WARS2: variants seen among roughly 807,000 people sequenced by gnomAD.
WARS2 encodes the protein tryptophan--tRNA ligase, mitochondrial.
A neutral mutation model predicts 36.5 loss-of-function variants in WARS2; 28 were observed. The observed-to-expected ratio is 0.77, with a 90% CI of 0.57 to 1.05. WARS2 has a LOEUF of 1.05. Among genes scored for constraint, WARS2 ranks in the 50% least tolerant of loss-of-function variants. The pLI is 0.00. For missense variants in WARS2, 435 were observed against 456.8 expected (o/e 0.95, Z 0.44); for synonymous variants, 174 against 178.4 (o/e 0.98, Z 0.20).
At chr1:119,072,402 G>C (rs1651395173) in intron 2 of WARS2, among the ~76,000 whole-genome samples, 1 of 152,034 alleles carries the variant, frequency 6.6e-6, no homozygotes, top group Non-Finnish European at 1.5e-5. Flanking sequence ...AGTGTAAAGA[G>C]AAAGCAACTA....
intron 1 of WARS2, among the ~76,000 whole-genome samples, chr1:119,121,524 C>A (rs1208078137): frequency 6.6e-6 from 1 of 151,858 alleles, no homozygotes; most frequent in African/African-American, 2.4e-5. Flanking sequence ...ACACTCTTCA[C>A]AGAACTAGAA....
At chr1:119,111,829 A>C (rs1654657396) in intron 1 of WARS2, among the ~76,000 whole-genome samples, 1 of 152,136 alleles carries the variant, frequency 6.6e-6, no homozygotes, top group South Asian at 2.1e-4. Context: ...CTGTATCCAA[A>C]TATCTGTATC....
At chr1:119,131,357 C>T (rs746183267) in intron 1 of WARS2, among the ~76,000 whole-genome samples, 11 of 151,622 alleles carry the variant, frequency 7.3e-5, no homozygotes, top group South Asian at 2.1e-4. Context: ...GGAGTAGCTC[C>T]GAGGAAACTT....
At chr1:119,133,702 TATC>T (rs1224104985) in intron 1 of WARS2, among the ~76,000 whole-genome samples, 2 of 152,194 alleles carry the variant, frequency 1.3e-5, no homozygotes, top group Non-Finnish European at 2.9e-5. Flanking sequence ...TAACTGAAAT[TATC>T]ATGGTACTAT....
At chr1:119,091,466 G>T (rs1653038083) in intron 1 of WARS2, among the ~76,000 whole-genome samples, 1 of 152,170 alleles carries the variant, frequency 6.6e-6, no homozygotes, top group African/African-American at 2.4e-5. Context: ...TTCAGAGGGA[G>T]ATTATGAGAA....
intron 2 of WARS2, among the ~76,000 whole-genome samples, chr1:119,052,361 C>A (rs1256418178): frequency 6.6e-6 from 1 of 152,126 alleles, no homozygotes; most frequent in Non-Finnish European, 1.5e-5. Flanking sequence ...TTTATTGCTT[C>A]CTCTTGGAAA....
chr1:119,031,760 T>C lies in WARS2; in HGVS notation c.*1151A>G, dbSNP rs1647444613. 6.6e-6 allele frequency: 1 copy of C among 152,312 alleles called. No individual in the cohort carries two copies. The highest frequency in any genetic ancestry group is 2.4e-5 in the African/African-American group (1 of 41,456). 9.4% of individuals were successfully genotyped at this position (152,312 alleles called of 1,614,324 possible). A position where few individuals can be genotyped will look rare whatever the true frequency, so the allele number is the denominator to read the frequency against. On this transcript the variant is annotated 3_prime_UTR_variant, in exon 6 of 6. Transcript: ENST00000235521. The stretch of plus-strand genomic sequence containing the variant: ...ATGAGAAGCTGTCAGTCATTGGGAA[T>C]ATCTGATTTGTCAGTCTTCACTGCT...
intron 1 of WARS2, among the ~76,000 whole-genome samples, chr1:119,139,287 T>C (rs61808936): frequency 0.021 from 3,173 of 152,296 alleles, 47 homozygotes; most frequent in Non-Finnish European, 0.03. Flanking sequence ...CGGTATATAT[T>C]AATATATTAG....
At chr1:119,128,582 TCCCACC>T (rs1175175959) in intron 1 of WARS2, among the ~76,000 whole-genome samples, 3 of 24,784 alleles carry the variant, frequency 1.2e-4, no homozygotes, top group South Asian at 1.4e-3. Context: ...ACCCACCCAC[TCCCACC>T]CCCACCCTGC....
intron 4 of WARS2, among the ~76,000 whole-genome samples, chr1:119,041,796 A>C (rs1320501616): frequency 6.6e-6 from 1 of 152,238 alleles, no homozygotes; most frequent in African/African-American, 2.4e-5. Context: ...AAATATATAT[A>C]GCTACTGGTT....
intron 1 of WARS2, chr1:119,139,892 T>C (rs977345779): frequency 3.9e-5 from 6 of 152,018 alleles, no homozygotes; most frequent in African/African-American, 1.4e-4. Context: ...TTTAAGACAA[T>C]TCCCAATAAG....
intron 4 of WARS2, among the ~76,000 whole-genome samples, chr1:119,039,262 A>G (rs1648140629): frequency 6.6e-6 from 1 of 152,170 alleles, no homozygotes. Flanking sequence ...AAGGCCATGT[A>G]TAGTGCCCTT....
At chr1:119,101,938 G>A (rs1369741727) in intron 1 of WARS2, among the ~76,000 whole-genome samples, 3 of 151,836 alleles carry the variant, frequency 2.0e-5, no homozygotes, top group African/African-American at 7.3e-5. Context: ...ACACAATTTT[G>A]GGCTTATAAA....
chr1:119,034,570 C>T (rs750214673), intron 4 of WARS2, among the ~76,000 whole-genome samples: 8 of 152,166 alleles, frequency 5.3e-5, no homozygotes, highest in Non-Finnish European at 7.3e-5. Context: ...ATATTATTCC[C>T]AGCCCTGACC....
intron 1 of WARS2, 161 bp downstream of exon 1, chr1:119,140,394 A>G (rs1037293863): frequency 7.9e-5 from 42 of 528,914 alleles, no homozygotes; most frequent in African/African-American, 2.0e-4. Context: ...CAACGTCACT[A>G]CGCTCTGAGC....
At chr1:119,057,917 C>T (rs1339737291) in intron 2 of WARS2, among the ~76,000 whole-genome samples, 1 of 152,136 alleles carries the variant, frequency 6.6e-6, no homozygotes, top group Non-Finnish European at 1.5e-5. Context: ...GTTACCTTTT[C>T]ATTTTCTTAA....
intron 1 of WARS2, among the ~76,000 whole-genome samples, chr1:119,131,461 T>TC (rs1192647408): frequency 1.4e-5 from 2 of 145,918 alleles, no homozygotes; most frequent in African/African-American, 5.3e-5. Context: ...GTTTTTTGTT[T>TC]TTTGTTTTTT....
At chr1:119,072,369 C>T (rs1651393659) in intron 2 of WARS2, among the ~76,000 whole-genome samples, 1 of 152,108 alleles carries the variant, frequency 6.6e-6, no homozygotes, top group African/African-American at 2.4e-5. Flanking sequence ...TTTATAGTCA[C>T]TAACCATCAG....
At chr1:119,105,678 T>C (rs1169648659) in intron 1 of WARS2, among the ~76,000 whole-genome samples, 1 of 152,152 alleles carries the variant, frequency 6.6e-6, no homozygotes, top group African/African-American at 2.4e-5. Context: ...TTGGGAGGCC[T>C]AGGTGAGCGG....
Sources: gnomAD v4.1 joint callset for allele counts (sites outside exome capture counted in the v4.1 genomes callset) on GRCh38, gnomAD v4.1.1 for gene constraint, MANE v1.5 for transcripts, NCBI Gene and HGNC (gene_info 2026-07-23, HGNC 2026-07-21) for gene names.